Variants in CPNE4 observed in about 807,000 individuals in gnomAD.
CPNE4 encodes the protein copine 4.
In CPNE4, 25 loss-of-function variants were observed where a neutral mutation model predicts 67.9. That is an observed-to-expected ratio of 0.37 (90% CI 0.27 to 0.51). CPNE4 has a LOEUF of 0.51. CPNE4 is among the 20% of genes least tolerant of loss of function. CPNE4 has a pLI of 0.93. For synonymous variants in CPNE4, 242 were observed against 244.9 expected (o/e 0.99, Z 0.11); for missense variants, 464 against 690.8 (o/e 0.67, Z 3.68).
At chr3:131,908,359 GAA>G (rs2088846350) in intron 1 of CPNE4, among the ~76,000 whole-genome samples, 1 of 152,156 alleles carries the variant, frequency 6.6e-6, no homozygotes, top group Admixed American at 6.6e-5. Flanking sequence ...AGCAAAGGGA[GAA>G]AAAGAATCAG....
At chr3:131,700,290 A>AT (rs2081266080) in intron 3 of CPNE4, among the ~76,000 whole-genome samples, 1 of 152,136 alleles carries the variant, frequency 6.6e-6, no homozygotes, top group African/African-American at 2.4e-5. Flanking sequence ...AACTTTAAAC[A>AT]TGTATGTTAA....
chr3:131,925,910 A>G (rs1470322715), intron 1 of CPNE4, among the ~76,000 whole-genome samples: 1 of 143,788 alleles, frequency 7.0e-6, no homozygotes, highest in African/African-American at 2.4e-5. Context: ...TAGGGACATG[A>G]GACATATTTT....
At chr3:131,917,001 GC>G (rs2107800688) in intron 1 of CPNE4, among the ~76,000 whole-genome samples, 1 of 152,232 alleles carries the variant, frequency 6.6e-6, no homozygotes, top group East Asian at 1.9e-4. Flanking sequence ...TAGCTGCTAG[GC>G]TTTTCATCAT....
chr3:131,715,493 G>C (rs542633612), intron 3 of CPNE4, among the ~76,000 whole-genome samples: 2 of 152,192 alleles, frequency 1.3e-5, no homozygotes, highest in Admixed American at 1.3e-4. Flanking sequence ...TAAAGAGATC[G>C]ACAACTTGCT....
chr3:131,817,893 C>T (rs2084806964), intron 2 of CPNE4, among the ~76,000 whole-genome samples: 1 of 152,108 alleles, frequency 6.6e-6, no homozygotes, highest in Admixed American at 6.5e-5. Flanking sequence ...AAAGAAACAC[C>T]ACCTACTCAC....
intron 2 of CPNE4, among the ~76,000 whole-genome samples, chr3:131,891,978 G>A (rs959426275): frequency 6.6e-6 from 1 of 151,980 alleles, no homozygotes; most frequent in African/African-American, 2.4e-5. Context: ...GGCACCATGG[G>A]AATGGCAAAA....
At chr3:131,862,561 CCAAA>C (rs1372939077) in intron 2 of CPNE4, among the ~76,000 whole-genome samples, 1 of 152,030 alleles carries the variant, frequency 6.6e-6, no homozygotes, top group Non-Finnish European at 1.5e-5. Flanking sequence ...TCATTTTGAT[CCAAA>C]CAAATATAAA....
intron 2 of CPNE4, among the ~76,000 whole-genome samples, chr3:131,793,895 G>C (rs987817513): frequency 6.6e-6 from 1 of 152,176 alleles, no homozygotes; most frequent in South Asian, 2.1e-4. Context: ...CACATGCCCT[G>C]TTTCTATGAG....
intron 2 of CPNE4, among the ~76,000 whole-genome samples, chr3:131,773,348 T>TTTC (rs1319519328): frequency 6.0e-5 from 2 of 33,480 alleles, no homozygotes; most frequent in African/African-American, 1.0e-4. Context: ...TGAAGTTTTA[T>TTTC]TTATTATTTA....
At chr3:131,626,727 A>G (rs9784309) in intron 7 of CPNE4, among the ~76,000 whole-genome samples, 41,937 of 152,158 alleles carry the variant, frequency 0.28, 9,535 homozygotes, top group African/African-American at 0.63. Context: ...ACAAATTTTC[A>G]ATATAGACAA....
At chr3:131,909,034 G>A (rs1403890109) in intron 1 of CPNE4, among the ~76,000 whole-genome samples, 2 of 152,122 alleles carry the variant, frequency 1.3e-5, no homozygotes, top group African/African-American at 2.4e-5. Context: ...ACTCTTAGAT[G>A]TCTCACTATT....
At chr3:131,907,501 G>GAC (rs3041560) in intron 1 of CPNE4, among the ~76,000 whole-genome samples, 18 of 151,074 alleles carry the variant, frequency 1.2e-4, no homozygotes, top group South Asian at 6.3e-4. Flanking sequence ...GCATCACACA[G>GAC]ACACACACAC....
At chr3:131,875,973 T>C (rs557031617) in intron 2 of CPNE4, among the ~76,000 whole-genome samples, 22 of 152,332 alleles carry the variant, frequency 1.4e-4, no homozygotes, top group African/African-American at 5.3e-4. Flanking sequence ...GGAATTTTCA[T>C]TGTAAATACT....
At chr3:131,924,857 C>T (rs145487882) in intron 1 of CPNE4, among the ~76,000 whole-genome samples, 10 of 152,312 alleles carry the variant, frequency 6.6e-5, no homozygotes, top group African/African-American at 2.4e-4. Context: ...GCTCAAACAG[C>T]AGGATCACAA....
intron 2 of CPNE4, among the ~76,000 whole-genome samples, chr3:131,782,517 A>T (rs574632628): frequency 3.9e-5 from 6 of 152,160 alleles, no homozygotes; most frequent in Admixed American, 2.0e-4. Flanking sequence ...CATACACAGT[A>T]AAGTACATTG....
intron 2 of CPNE4, among the ~76,000 whole-genome samples, chr3:131,744,174 A>G (rs934059048): frequency 2.6e-5 from 4 of 151,878 alleles, no homozygotes; most frequent in African/African-American, 9.7e-5. Flanking sequence ...ATAAAGAACC[A>G]AGACACTCAA....
intron 7 of CPNE4, among the ~76,000 whole-genome samples, chr3:131,617,448 T>C (rs928958921): frequency 6.6e-6 from 1 of 152,258 alleles, no homozygotes; most frequent in Non-Finnish European, 1.5e-5. Context: ...CTTTTCATTT[T>C]ACAGGTGAAG....
chr3:131,552,944 T>C (rs1174394032), intron 12 of CPNE4, among the ~76,000 whole-genome samples: 2 of 152,054 alleles, frequency 1.3e-5, no homozygotes, highest in South Asian at 2.1e-4. Flanking sequence ...AGCTAAGCAG[T>C]TGACACTTAA....
At chr3:131,956,442 A>G (rs9868428) in intron 1 of CPNE4, among the ~76,000 whole-genome samples, 81,798 of 151,944 alleles carry the variant, frequency 0.54, 22,845 homozygotes, top group Admixed American at 0.68. Flanking sequence ...TCCATCGTCA[A>G]TAAAATCTTA....
Sources: gnomAD v4.1 joint callset for allele counts (sites outside exome capture counted in the v4.1 genomes callset) on GRCh38, gnomAD v4.1.1 for gene constraint, MANE v1.5 for transcripts, NCBI Gene and HGNC (gene_info 2026-07-23, HGNC 2026-07-21) for gene names.